Variants in IL1RL2 observed in about 807,000 individuals in gnomAD.
IL1RL2 encodes interleukin 1 receptor like 2, also known as interleukin-1 receptor-like 2.
In IL1RL2, 68 loss-of-function variants were observed where a neutral mutation model predicts 66.8. That is an observed-to-expected ratio of 1.02 (90% CI 0.84 to 1.25). The LOEUF is 1.25. IL1RL2 is among the 50% of genes most tolerant of loss of function. The pLI, the probability that IL1RL2 is intolerant of heterozygous loss-of-function variation, is 0.00. For missense variants in IL1RL2, 729 were observed against 709.3 expected (o/e 1.03, Z -0.32); for synonymous variants, 305 against 264.6 (o/e 1.15, Z -1.48).
In IL1RL2 at chr2:102,189,312, T is replaced by C; in HGVS notation, c.293+2T>C. On this transcript the variant is annotated splice_donor_variant, in intron 3 of 11. Coordinates refer to ENST00000264257, the MANE Select transcript of IL1RL2 (RefSeq NM_003854.4). LOFTEE classifies it high-confidence loss of function. ...AGGAGTCTACCAATGTGTTATAAAG[T>C]AAGTTCCTAATTTAAAATAGAACTA... 6.4e-7 allele frequency: 1 copy of C among 1,564,376 alleles called. No individual in the cohort carries two copies.
chr2:102,197,254 G>A lies in IL1RL2; in HGVS notation c.490-4302G>A, dbSNP rs117385007. ...CTCTGGTTGAAGGCTTGCAGGAGAGGGATGAAGGGATCCATCAGAATGGGT... is the reference window on the plus strand; with the variant it reads ...CTCTGGTTGAAGGCTTGCAGGAGAGAGATGAAGGGATCCATCAGAATGGGT... On this transcript the variant is annotated intron_variant, in intron 4 of 11. Coordinates refer to ENST00000264257, the MANE Select transcript of IL1RL2 (RefSeq NM_003854.4). Among the ~76,000 whole-genome samples the A allele has an allele frequency of 1.9e-3, 283 of 152,226 alleles. 3 individuals are homozygous for A. The highest frequency in any genetic ancestry group is 0.014 in the East Asian group (70 of 5,176).
chr2:102,209,347 A>G (rs900006554), intron 5 of IL1RL2, among the ~76,000 whole-genome samples: 1 of 152,200 alleles, frequency 6.6e-6, no homozygotes, highest in African/African-American at 2.4e-5. Context: ...GGAAAAGAAT[A>G]AGAAGGGTCC....
chr2:102,191,202 A>T (rs982106759), intron 3 of IL1RL2, among the ~76,000 whole-genome samples: 4 of 152,158 alleles, frequency 2.6e-5, no homozygotes, highest in African/African-American at 9.6e-5. Context: ...GCCCTTAATC[A>T]TCATACCCTC....
chr2:102,226,038 G>A lies in IL1RL2; in HGVS notation c.1132G>A (p.Val378Ile). The A allele has an allele frequency of 6.3e-7, 1 of 1,584,154 alleles. No homozygotes were observed. Among genetic ancestry groups the A allele is most frequent in the East Asian group, 2.3e-5 (1 of 43,374 alleles). The change falls in exon 9 of 12, where the codon GTA becomes ATA. Residue 378 changes from valine (V) to isoleucine (I), a missense_variant. Val to Ile is a conservative substitution (Grantham distance 29). Coordinates refer to ENST00000264257, the MANE Select transcript of IL1RL2 (RefSeq NM_003854.4). Reference protein sequence around the residue: ...RSAFHSTETIVDGKLYDAYVL... With the variant: ...RSAFHSTETIIDGKLYDAYVL... ...TGCCTTCCATTCTACAGAGACCATA[G>A]TAGGTAAGTGTGTGTAATCACTGAA...
Position 102,235,188 on chromosome 2 carries a change from A to G in IL1RL2, c.1589A>G (p.Lys530Arg). ...QSQCMKTKFW[K>R]TVRYHMPPRR... ...CAGTGTATGAAGACCAAGTTTTGGA[A>G]GACAGTGAGATACCACATGCCGCCC... The change falls in exon 11 of 12, where the codon AAG (lysine) becomes AGG (arginine). Residue 530 changes from lysine (K) to arginine (R), a missense_variant. Coordinates refer to ENST00000264257, the MANE Select transcript of IL1RL2 (RefSeq NM_003854.4). The G allele has an allele frequency of 6.2e-7, 1 of 1,614,204 alleles. No homozygotes were observed. Among genetic ancestry groups the G allele is most frequent in the Non-Finnish European group, 8.5e-7 (1 of 1,180,036 alleles).
Position 102,219,997 on chromosome 2 carries a change from A to G in IL1RL2, c.971A>G (p.Tyr324Cys). The G allele has an allele frequency of 6.2e-7, 1 of 1,612,374 alleles. No homozygotes were observed. Among genetic ancestry groups the G allele is most frequent in the Non-Finnish European group, 8.5e-7 (1 of 1,178,614 alleles). The stretch of plus-strand genomic sequence containing the variant: ...TGCCACGCTGGAGTGTCCACAGCAT[A>G]CATTATATTACAGCTCCCAGGTAAT... ...FMCHAGVSTA[Y>C]IILQLPAPDF... is the part of the protein sequence containing the mutation. Residue 324 changes from tyrosine to cysteine, a missense_variant, in exon 8 of 12, where the codon TAC becomes TGC. Coordinates refer to ENST00000264257, the MANE Select transcript of IL1RL2 (RefSeq NM_003854.4).
chr2:102,230,913 C>T (rs1451981817), intron 9 of IL1RL2, among the ~76,000 whole-genome samples: 1 of 152,124 alleles, frequency 6.6e-6, no homozygotes, highest in Non-Finnish European at 1.5e-5. Context: ...ATTATTTGGA[C>T]GAAAGCTAGA....
downstream of IL1RL2, among the ~76,000 whole-genome samples, chr2:102,240,697 G>C (rs1675206715): frequency 6.6e-6 from 1 of 152,132 alleles, no homozygotes; most frequent in African/African-American, 2.4e-5. Context: ...TGTCAATCAC[G>C]ATACTTTGGC....
In IL1RL2 at chr2:102,220,025, T is replaced by A; in HGVS notation, c.991+8T>A. The A allele has an allele frequency of 6.2e-7, 1 of 1,607,584 alleles. No individual in the cohort carries two copies. Among genetic ancestry groups the A allele is most frequent in the Non-Finnish European group, 8.5e-7 (1 of 1,174,778 alleles). On this transcript the variant is annotated splice_region_variant and intron_variant, in intron 8 of 11. Transcript: ENST00000264257. ...TTATATTACAGCTCCCAGGTAATAC[T>A]CCAGTGGGTTACACACTGTTCAGAG...
chr2:102,240,977 G>C (rs1031557086), downstream of IL1RL2, among the ~76,000 whole-genome samples: 13 of 152,274 alleles, frequency 8.5e-5, no homozygotes, highest in African/African-American at 2.9e-4. Context: ...CAAGGACTTC[G>C]GTGCCTGCCT....
chr2:102,194,266 C>T (rs1687474663), intron 4 of IL1RL2, among the ~76,000 whole-genome samples: 1 of 152,144 alleles, frequency 6.6e-6, no homozygotes, highest in Non-Finnish European at 1.5e-5. Context: ...GGCTCAATAG[C>T]AAAACAGTGG....
intron 9 of IL1RL2, among the ~76,000 whole-genome samples, chr2:102,227,559 C>T (rs1172835369): frequency 6.6e-6 from 1 of 152,128 alleles, no homozygotes; most frequent in Non-Finnish European, 1.5e-5. Flanking sequence ...GATAGTCCGA[C>T]TGGGCATGGG....
At chr2:102,204,092 T>C (rs185358036) in intron 5 of IL1RL2, among the ~76,000 whole-genome samples, 36 of 152,234 alleles carry the variant, frequency 2.4e-4, no homozygotes, top group African/African-American at 8.4e-4. Context: ...TTTCCATTAT[T>C]TGTTTCAAGA....
At chr2:102,231,556 C>T (rs1161808792) in intron 9 of IL1RL2, among the ~76,000 whole-genome samples, 1 of 137,326 alleles carries the variant, frequency 7.3e-6, no homozygotes, top group Non-Finnish European at 1.5e-5. Flanking sequence ...GTCCCATGTT[C>T]ATTGTGAGTT....
chr2:102,189,275 A>T lies in IL1RL2; in HGVS notation c.258A>T (p.Glu86Asp). ...CTTGGATTTTGTTTCTCCCCATGGA[A>T]TGGGGGGACTCAGGAGTCTACCAAT... The part of the protein sequence containing the change: ...DETWILFLPM[E>D]WGDSGVYQCV... Residue 86 changes from glutamate to aspartate, a missense_variant, in exon 3 of 12, where the codon GAA becomes GAT. Transcript: ENST00000264257. 1 of 1,613,344 alleles carries T rather than the reference A, an allele frequency of 6.2e-7. No individual in the cohort carries two copies. The highest frequency in any genetic ancestry group is 1.1e-5 in the South Asian group (1 of 91,064).
intron 9 of IL1RL2, among the ~76,000 whole-genome samples, chr2:102,231,643 C>T (rs1005301027): frequency 6.6e-6 from 1 of 152,044 alleles, no homozygotes; most frequent in South Asian, 2.1e-4. Flanking sequence ...CTCGTCGCCT[C>T]GTAGAGTCTT....
intron 9 of IL1RL2, among the ~76,000 whole-genome samples, chr2:102,226,674 G>C (rs536840393): frequency 4.6e-5 from 7 of 152,204 alleles, no homozygotes; most frequent in South Asian, 4.1e-4. Context: ...GAGAGAGAGG[G>C]AGGAAGGAAA....
chr2:102,193,854 G>C (rs1242362927), intron 4 of IL1RL2, among the ~76,000 whole-genome samples: 2 of 151,506 alleles, frequency 1.3e-5, no homozygotes, highest in Non-Finnish European at 2.9e-5. Context: ...CATATCTTTT[G>C]GTATATTTCT....
At chr2:102,218,884 T>A in intron 6 of IL1RL2, 69 bp from the exon 7 acceptor site, 3 of 1,388,206 alleles carry the variant, frequency 2.2e-6, no homozygotes, top group Middle Eastern at 1.9e-4. Flanking sequence ...GCACTTGTAA[T>A]CCAGATGTTA....
Sources: gnomAD v4.1 joint callset for allele counts (sites outside exome capture counted in the v4.1 genomes callset) on GRCh38, gnomAD v4.1.1 for gene constraint, MANE v1.5 for transcripts, NCBI Gene and HGNC (gene_info 2026-07-23, HGNC 2026-07-21) for gene names.